Variants in ERAP1 observed in about 807,000 individuals in gnomAD.
ERAP1 encodes endoplasmic reticulum aminopeptidase 1.
ERAP1 carries 86 observed loss-of-function variants against 103.7 expected under a neutral mutation model. The ratio of observed to expected loss-of-function variants is 0.83; its 90% CI spans 0.70 to 0.99. The LOEUF (loss-of-function observed/expected upper bound fraction) is 0.99. Among genes scored for constraint, ERAP1 ranks in the 50% least tolerant of loss-of-function variants. The probability of loss-of-function intolerance (pLI) is 0.00; values close to 1 mark genes in which losing one functional copy is unlikely to be tolerated. For missense variants in ERAP1, 1,009 were observed against 1,128.4 expected (o/e 0.89, Z 1.52); for synonymous variants, 398 against 402.4 (o/e 0.99, Z 0.13).
At chr5:96,840,792 G>A in the ERAP1 span, among the ~76,000 whole-genome samples, 17 of 150,612 alleles carry the variant, frequency 1.1e-4, no homozygotes, top group Non-Finnish European at 2.4e-4. Flanking sequence ...TGCAACCTCC[G>A]CCTCCCGGGT....
At chr5:96,933,840 T>G in the ERAP1 span, among the ~76,000 whole-genome samples, 4 of 152,062 alleles carry the variant, frequency 2.6e-5, no homozygotes, top group Non-Finnish European at 4.4e-5. Context: ...CTGCGTGTAC[T>G]ATATAATATC....
chr5:96,896,628 T>C, the ERAP1 span: 1 of 1,430,410 alleles, frequency 7.0e-7, no homozygotes, highest in East Asian at 2.4e-5. Flanking sequence ...TTGTTCACTT[T>C]TCAGACATCA....
the ERAP1 span, among the ~76,000 whole-genome samples, chr5:96,822,369 G>C: frequency 6.6e-6 from 1 of 152,176 alleles, no homozygotes; most frequent in African/African-American, 2.4e-5. Context: ...GATTTAAGAA[G>C]AAGGGCAACT....
chr5:96,852,172 G>T, the ERAP1 span, among the ~76,000 whole-genome samples: 1 of 152,154 alleles, frequency 6.6e-6, no homozygotes, highest in African/African-American at 2.4e-5. Flanking sequence ...ATTTTATTAT[G>T]ATTTAAATGT....
At chr5:96,867,069 C>G in the ERAP1 span, among the ~76,000 whole-genome samples, 1 of 150,332 alleles carries the variant, frequency 6.7e-6, no homozygotes, top group Non-Finnish European at 1.5e-5. Context: ...TGCAGTGGTA[C>G]AACCTTGGCT....
At chr5:96,893,739 A>G in the ERAP1 span, among the ~76,000 whole-genome samples, 1 of 152,118 alleles carries the variant, frequency 6.6e-6, no homozygotes, top group Non-Finnish European at 1.5e-5. Context: ...CCATGTTAAC[A>G]TGTCACTCTG....
At chr5:96,923,207 C>T in the ERAP1 span, among the ~76,000 whole-genome samples, 1 of 152,074 alleles carries the variant, frequency 6.6e-6, no homozygotes, top group Non-Finnish European at 1.5e-5. Context: ...CTCAAGCTCC[C>T]GTCCTGCCGC....
chr5:96,792,095 A>C lies in ERAP1; in HGVS notation c.1286T>G (p.Ile429Ser). Residue 429 changes from isoleucine to serine, a missense_variant, in exon 8 of 19, where the codon ATC (isoleucine) becomes AGC (serine). Coordinates refer to ENST00000443439, the MANE Select transcript of ERAP1 (RefSeq NM_001040458.3). ...VSTPVENPAQ[I>S]REMFDDVSYD... Reference sequence around the variant, plus strand: ...AGAAACATCATCAAACATCTCCCGGATCTGAGCAGGATTTTCCACAGGTGT... The same window carrying C: ...AGAAACATCATCAAACATCTCCCGGCTCTGAGCAGGATTTTCCACAGGTGT... 1 of 1,614,106 alleles carries C rather than the reference A, an allele frequency of 6.2e-7. No homozygotes were observed. Among genetic ancestry groups the C allele is most frequent in the South Asian group, 1.1e-5 (1 of 91,090 alleles).
chr5:96,895,014 G>A, the ERAP1 span, among the ~76,000 whole-genome samples: 1 of 151,742 alleles, frequency 6.6e-6, no homozygotes, highest in Non-Finnish European at 1.5e-5. Flanking sequence ...AAGAGTTAAG[G>A]GCATTGAGAA....
At chr5:96,915,823 T>C in the ERAP1 span, 56 of 1,426,666 alleles carry the variant, frequency 3.9e-5, no homozygotes, top group Admixed American at 1.7e-4. Flanking sequence ...AATTGTGGAA[T>C]TGAAAGTAAA....
the ERAP1 span, among the ~76,000 whole-genome samples, chr5:96,898,931 T>C: frequency 6.6e-6 from 1 of 152,178 alleles, no homozygotes; most frequent in African/African-American, 2.4e-5. Flanking sequence ...TGTGTGTGCA[T>C]GTATGTATAT....
the ERAP1 span, among the ~76,000 whole-genome samples, chr5:96,872,045 A>T: frequency 2.6e-5 from 4 of 152,312 alleles, no homozygotes; most frequent in African/African-American, 9.6e-5. Context: ...TTTTAAGCCC[A>T]TAATATAGAC....
At chr5:96,799,304 T>C (rs1173063190) in intron 3 of ERAP1, among the ~76,000 whole-genome samples, 1 of 152,180 alleles carries the variant, frequency 6.6e-6, no homozygotes, top group Non-Finnish European at 1.5e-5. Flanking sequence ...TTTTCTGGTC[T>C]CCAAAAAGAT....
intron 15 of ERAP1, among the ~76,000 whole-genome samples, 157 bp downstream of exon 15, chr5:96,782,894 G>A (rs572451526): frequency 6.6e-6 from 1 of 152,272 alleles, no homozygotes; most frequent in African/African-American, 2.4e-5. Flanking sequence ...AAAGTTACGA[G>A]ATACATAGAT....
chr5:96,770,443 A>T (rs1483332079), downstream of ERAP1: 1 of 787,162 alleles, frequency 1.3e-6, no homozygotes, highest in East Asian at 2.5e-5. Context: ...GAGATCTCAG[A>T]ATGGTCTGGA....
At chr5:96,926,559 A>G in the ERAP1 span, among the ~76,000 whole-genome samples, 3 of 152,212 alleles carry the variant, frequency 2.0e-5, no homozygotes, top group African/African-American at 4.8e-5. Context: ...GAATGATACA[A>G]TACATTTCAA....
At chr5:96,797,779 A>G (rs931338577) in intron 3 of ERAP1, among the ~76,000 whole-genome samples, 1 of 152,238 alleles carries the variant, frequency 6.6e-6, no homozygotes, top group Non-Finnish European at 1.5e-5. Flanking sequence ...TAATTCATAT[A>G]CCATACAACT....
chr5:96,877,220 C>G, the ERAP1 span, among the ~76,000 whole-genome samples: 1 of 152,162 alleles, frequency 6.6e-6, no homozygotes, highest in African/African-American at 2.4e-5. Flanking sequence ...GGTGATCTGC[C>G]CACCTTGGCC....
the ERAP1 span, among the ~76,000 whole-genome samples, chr5:96,894,178 C>T: frequency 2.0e-5 from 3 of 152,198 alleles, no homozygotes; most frequent in African/African-American, 7.2e-5. Context: ...GCAGTAGGTT[C>T]TCCGTAGGTA....
Sources: gnomAD v4.1 joint callset for allele counts (sites outside exome capture counted in the v4.1 genomes callset) on GRCh38, gnomAD v4.1.1 for gene constraint, MANE v1.5 for transcripts, NCBI Gene and HGNC (gene_info 2026-07-23, HGNC 2026-07-21) for gene names.